FAM168A: variants seen among roughly 807,000 people sequenced by gnomAD.
The protein encoded by FAM168A is protein FAM168A.
In FAM168A, 3 loss-of-function variants were observed where a neutral mutation model predicts 28.5. The ratio of observed to expected loss-of-function variants is 0.11; its 90% CI spans 0.05 to 0.27. The LOEUF is 0.27. FAM168A is among the 10% of genes least tolerant of loss of function. The pLI is 1.00. For missense variants in FAM168A, 222 were observed against 311.5 expected (o/e 0.71, Z 2.16); for synonymous variants, 122 against 124.2 (o/e 0.98, Z 0.12).
chr11:73,437,832 T>G (rs1159877091), intron 2 of FAM168A, among the ~76,000 whole-genome samples: 1 of 152,104 alleles, frequency 6.6e-6, no homozygotes, highest in East Asian at 1.9e-4. Flanking sequence ...GCTAGAGATA[T>G]GAAGATATCC....
At chr11:73,513,438 G>A (rs1406909836) in intron 1 of FAM168A, among the ~76,000 whole-genome samples, 5 of 149,770 alleles carry the variant, frequency 3.3e-5, no homozygotes, top group African/African-American at 1.2e-4. Context: ...GGATGGTCTC[G>A]ATCTCCTGAC....
intron 3 of FAM168A, among the ~76,000 whole-genome samples, chr11:73,428,283 C>T (rs1433748583): frequency 6.6e-6 from 1 of 152,176 alleles, no homozygotes; most frequent in East Asian, 1.9e-4. Flanking sequence ...TATCAGTACC[C>T]CACACTCATA....
chr11:73,445,419 C>CTCTCTCTCTTTTTTT (rs776745757), intron 2 of FAM168A, among the ~76,000 whole-genome samples: 7 of 50,432 alleles, frequency 1.4e-4, no homozygotes, highest in African/African-American at 5.0e-4. Flanking sequence ...AAAAATGTCT[C>CTCTCTCTCTTTTTTT]TTTTTTTTTT....
At chr11:73,408,182 T>C (rs1228219975) in intron 6 of FAM168A, among the ~76,000 whole-genome samples, 1 of 152,188 alleles carries the variant, frequency 6.6e-6, no homozygotes, top group Non-Finnish European at 1.5e-5. Flanking sequence ...TCCTTTTACT[T>C]TTCTTTGTAT....
chr11:73,565,476 C>A (rs1944011055), intron 1 of FAM168A, among the ~76,000 whole-genome samples: 1 of 152,120 alleles, frequency 6.6e-6, no homozygotes, highest in Non-Finnish European at 1.5e-5. Flanking sequence ...CTATCTCTAC[C>A]ACTTACTAAT....
In FAM168A at chr11:73,468,498, G is replaced by A. The variant is rs763365433; in HGVS notation, c.-18-6C>T. On this transcript the variant is annotated splice_polypyrimidine_tract_variant and splice_region_variant and intron_variant, in intron 1 of 7. Coordinates refer to ENST00000356467, the MANE Select transcript of FAM168A (RefSeq NM_015159.3). Reference sequence around the variant, plus strand: ...ATTGTGGAAGACTGAGGATCCTACAGAGAAAACAAAGAAAACAGCACTGAT... The same window carrying A: ...ATTGTGGAAGACTGAGGATCCTACAAAGAAAACAAAGAAAACAGCACTGAT... The A allele has an allele frequency of 1.2e-6, 2 of 1,609,876 alleles. No individual in the cohort carries two copies. The highest frequency in any genetic ancestry group is 2.7e-5 in the African/African-American group (2 of 74,942).
At chr11:73,501,708 A>G (rs1855012980) in intron 1 of FAM168A, among the ~76,000 whole-genome samples, 1 of 152,182 alleles carries the variant, frequency 6.6e-6, no homozygotes, top group Admixed American at 6.5e-5. Flanking sequence ...AGGGAAATTT[A>G]CAGCACTAAA....
chr11:73,560,223 C>A (rs1943942548), intron 1 of FAM168A, among the ~76,000 whole-genome samples: 1 of 151,914 alleles, frequency 6.6e-6, no homozygotes, highest in Non-Finnish European at 1.5e-5. Context: ...GCCACCATGA[C>A]CATGCCTGGC....
At chr11:73,540,134 T>A (rs1036638216) in intron 1 of FAM168A, among the ~76,000 whole-genome samples, 1 of 152,188 alleles carries the variant, frequency 6.6e-6, no homozygotes. Context: ...TCAGAGAAAT[T>A]ACCTAGTAAA....
intron 4 of FAM168A, among the ~76,000 whole-genome samples, chr11:73,415,712 T>C (rs1184057774): frequency 2.0e-5 from 3 of 152,194 alleles, no homozygotes; most frequent in South Asian, 4.1e-4. Flanking sequence ...TCAGGGTTTA[T>C]TACTTTATGC....
At chr11:73,593,779 C>T (rs1406006290) in intron 1 of FAM168A, among the ~76,000 whole-genome samples, 1 of 152,182 alleles carries the variant, frequency 6.6e-6, no homozygotes, top group Non-Finnish European at 1.5e-5. Flanking sequence ...ATCCTCAAAA[C>T]AATCCTATGA....
intron 1 of FAM168A, among the ~76,000 whole-genome samples, chr11:73,592,627 T>C (rs1362751981): frequency 7.1e-6 from 1 of 140,638 alleles, no homozygotes; most frequent in Non-Finnish European, 1.5e-5. Context: ...GAAGAAGGAA[T>C]GGGGAGAAGC....
At chr11:73,493,455 C>A (rs1006471632) in intron 1 of FAM168A, among the ~76,000 whole-genome samples, 2 of 152,170 alleles carry the variant, frequency 1.3e-5, no homozygotes, top group African/African-American at 4.8e-5. Context: ...CTCTCTCACC[C>A]AAGCTGGACA....
At chr11:73,410,595 A>G (rs1866591577) in intron 5 of FAM168A, 1 of 152,194 alleles carries the variant, frequency 6.6e-6, no homozygotes, top group African/African-American at 2.4e-5. Context: ...TTGTAGGGGA[A>G]GTAAACAGGA....
chr11:73,508,425 T>C (rs1235569096), intron 1 of FAM168A, among the ~76,000 whole-genome samples: 1 of 152,060 alleles, frequency 6.6e-6, no homozygotes, highest in East Asian at 1.9e-4. Flanking sequence ...AAAATATGAG[T>C]GGAAATAAAT....
At chr11:73,571,244 C>G (rs1944084264) in intron 1 of FAM168A, among the ~76,000 whole-genome samples, 1 of 98,956 alleles carries the variant, frequency 1.0e-5, no homozygotes, top group Admixed American at 9.2e-5. Flanking sequence ...TCCCCCCCCC[C>G]TCCCCACAGT....
At chr11:73,503,491 G>C (rs751030989) in intron 1 of FAM168A, among the ~76,000 whole-genome samples, 32 of 152,078 alleles carry the variant, frequency 2.1e-4, no homozygotes, top group Non-Finnish European at 4.3e-4. Context: ...ACTGCTCAAG[G>C]AAATAAGAGA....
chr11:73,595,662 G>C (rs1944433706), intron 1 of FAM168A, among the ~76,000 whole-genome samples: 1 of 152,182 alleles, frequency 6.6e-6, no homozygotes, highest in South Asian at 2.1e-4. Flanking sequence ...CCCTAAGAAT[G>C]AGCATATCGC....
Position 73,433,076 on chromosome 11 carries a change from C to CTTTTTTTTT in FAM168A, c.71-2315_71-2307dup, listed in dbSNP as rs34994742. Among the ~76,000 whole-genome samples the CTTTTTTTTT allele has an allele frequency of 3.0e-4, 24 of 80,602 alleles. 2 individuals are homozygous for CTTTTTTTTT. The highest frequency in any genetic ancestry group is 1.4e-3 in the African/African-American group (20 of 14,700). The allele number at this position is 80,602 out of a possible 152,430, so 52.9% of individuals were successfully genotyped here. A position where few individuals can be genotyped will look rare whatever the true frequency, so the allele number is the denominator to read the frequency against. ...ACAGGTGCGTGCCACCACGCCCCGC[C>CTTTTTTTTT]TTTTTTTTTTTTTTTTTTTTTTTTT... On this transcript the variant is annotated intron_variant, in intron 2 of 7. Transcript: ENST00000356467.
Sources: gnomAD v4.1 joint callset for allele counts (sites outside exome capture counted in the v4.1 genomes callset) on GRCh38, gnomAD v4.1.1 for gene constraint, MANE v1.5 for transcripts, NCBI Gene and HGNC (gene_info 2026-07-23, HGNC 2026-07-21) for gene names.